Variants in LMX1A observed in about 807,000 individuals in gnomAD.
The protein encoded by LMX1A is LIM homeobox transcription factor 1-alpha.
Under a neutral mutation model 49.1 loss-of-function variants are expected in LMX1A, and 15 were observed. That is an observed-to-expected ratio of 0.31 (90% confidence interval 0.20 to 0.47). The LOEUF is 0.47. LMX1A is among the 20% of genes least tolerant of loss of function. The pLI is 1.00. For missense variants in LMX1A, 372 were observed against 475.8 expected (o/e 0.78, Z 2.03); for synonymous variants, 167 against 185.7 (o/e 0.90, Z 0.82).
At chr1:165,313,255 G>A (rs770835957) in intron 3 of LMX1A, among the ~76,000 whole-genome samples, 20 of 152,154 alleles carry the variant, frequency 1.3e-4, no homozygotes, top group Admixed American at 3.3e-4. Flanking sequence ...GGGAGCAGCA[G>A]ATGATTAAAC....
intron 3 of LMX1A, among the ~76,000 whole-genome samples, chr1:165,340,039 T>C (rs761151191): frequency 6.6e-6 from 1 of 152,188 alleles, no homozygotes; most frequent in Non-Finnish European, 1.5e-5. Flanking sequence ...TTTCTTCAAC[T>C]TCTTTTTACT....
intron 3 of LMX1A, among the ~76,000 whole-genome samples, chr1:165,302,110 C>G (rs974713256): frequency 3.9e-5 from 6 of 151,926 alleles, no homozygotes; most frequent in Admixed American, 6.6e-5. Context: ...TCCCAAACCC[C>G]CTTTTCTGCT....
At chr1:165,339,450 T>G (rs555613307) in intron 3 of LMX1A, among the ~76,000 whole-genome samples, 1 of 152,308 alleles carries the variant, frequency 6.6e-6, no homozygotes, top group South Asian at 2.1e-4. Flanking sequence ...TCTGACAACA[T>G]GCAATAGAGT....
chr1:165,298,785 A>G (rs1010158009), intron 3 of LMX1A, among the ~76,000 whole-genome samples: 2 of 152,264 alleles, frequency 1.3e-5, no homozygotes, highest in Admixed American at 1.3e-4. Flanking sequence ...ATTACCCTAC[A>G]GAACACTGGA....
intron 3 of LMX1A, among the ~76,000 whole-genome samples, chr1:165,351,793 C>A (rs12407278): frequency 0.089 from 13,563 of 152,296 alleles, 785 homozygotes; most frequent in South Asian, 0.14. Flanking sequence ...CCCCAGACAA[C>A]AATAATAAAT....
In LMX1A at chr1:165,204,018, G is replaced by A. The variant is rs1043647147; in HGVS notation, c.1011C>T (p.Asp337=). Residue 337 remains aspartate (D), a synonymous_variant, in exon 9 of 9, where the codon GAC becomes GAT. Coordinates refer to ENST00000342310, the MANE Select transcript of LMX1A (RefSeq NM_177398.4). ...HPYGAEPLFH[D]LDSDDTSLSN... ...TGAGGGAGGTGTCGTCGCTATCCAG[G>A]TCATGGAAAAGGGGCTCGGCACCTG... The A allele has an allele frequency of 1.2e-6, 2 of 1,614,112 alleles. No homozygotes were observed. Among genetic ancestry groups the A allele is most frequent in the African/African-American group, 2.7e-5 (2 of 75,040 alleles).
At chr1:165,337,941 T>A (rs76619519) in intron 3 of LMX1A, among the ~76,000 whole-genome samples, 1 of 130,474 alleles carries the variant, frequency 7.7e-6, no homozygotes, top group African/African-American at 3.1e-5. Flanking sequence ...AAAGTACATG[T>A]TCCATGTTTA....
At chr1:165,230,629 T>G (rs1652206594) in intron 4 of LMX1A, among the ~76,000 whole-genome samples, 1 of 152,240 alleles carries the variant, frequency 6.6e-6, no homozygotes, top group Admixed American at 6.5e-5. Flanking sequence ...AGCTGCCCCT[T>G]GCTGCAACAT....
chr1:165,298,369 G>A (rs1326331663), intron 3 of LMX1A, among the ~76,000 whole-genome samples: 1 of 152,222 alleles, frequency 6.6e-6, no homozygotes, highest in Non-Finnish European at 1.5e-5. Flanking sequence ...GTACAGCCTG[G>A]GGCTGAGGCA....
At chr1:165,309,755 G>A (rs1020876728) in intron 3 of LMX1A, among the ~76,000 whole-genome samples, 4 of 152,216 alleles carry the variant, frequency 2.6e-5, no homozygotes, top group Non-Finnish European at 5.9e-5. Context: ...TGGAACTGAA[G>A]GCTTGTTGGT....
intron 3 of LMX1A, among the ~76,000 whole-genome samples, chr1:165,283,068 G>A (rs1046932934): frequency 1.3e-5 from 2 of 152,164 alleles, no homozygotes; most frequent in African/African-American, 2.4e-5. Flanking sequence ...CTCAACTATA[G>A]TCATATGATG....
intron 5 of LMX1A, 127 bp from the exon 6 acceptor site, chr1:165,210,903 G>A (rs1009506545): frequency 9.9e-6 from 5 of 506,504 alleles, no homozygotes; most frequent in Non-Finnish European, 1.7e-5. Flanking sequence ...AGTTTTTAAT[G>A]TTGAGCATAC....
intron 3 of LMX1A, among the ~76,000 whole-genome samples, chr1:165,339,793 G>GC (rs2101761223): frequency 6.6e-6 from 1 of 152,230 alleles, no homozygotes; most frequent in East Asian, 1.9e-4. Flanking sequence ...CCCCAGATGT[G>GC]CCCCTCACCC....
In LMX1A at chr1:165,214,099, G is replaced by C. The variant is rs747613526; in HGVS notation, c.497-286C>G. 1.6e-4 allele frequency among the ~76,000 whole-genome samples: 24 copies of C among 152,192 alleles called. No homozygotes were observed. In the South Asian group the frequency reaches 3.7e-3, roughly 24 times the overall value. On this transcript the variant is annotated intron_variant, in intron 4 of 8. Transcript: ENST00000342310. Reference sequence around the variant, plus strand: ...TTGCGTGGCCTTGGGCAATGATATGGTTTAGTTCTGAGTCCCCAGAATTGT... The same window carrying C: ...TTGCGTGGCCTTGGGCAATGATATGCTTTAGTTCTGAGTCCCCAGAATTGT...
intron 3 of LMX1A, among the ~76,000 whole-genome samples, chr1:165,283,484 T>A (rs1266428707): frequency 6.6e-6 from 1 of 152,172 alleles, no homozygotes; most frequent in Non-Finnish European, 1.5e-5. Context: ...CCTCTTCTTT[T>A]TCCTCCTCTT....
At chr1:165,215,793 C>T (rs73027278) in intron 4 of LMX1A, among the ~76,000 whole-genome samples, 2,807 of 152,228 alleles carry the variant, frequency 0.018, 69 homozygotes, top group African/African-American at 0.058. Context: ...CCTAGGTTTC[C>T]ATCCCAGTTC....
chr1:165,299,754 A>G (rs1417430427), intron 3 of LMX1A, among the ~76,000 whole-genome samples: 3 of 140,328 alleles, frequency 2.1e-5, no homozygotes, highest in Non-Finnish European at 4.6e-5. Flanking sequence ...GACAACAAGG[A>G]AACCAAGAAA....
intron 3 of LMX1A, among the ~76,000 whole-genome samples, chr1:165,337,561 G>A (rs1571230477): frequency 1.3e-5 from 2 of 152,164 alleles, no homozygotes; most frequent in South Asian, 2.1e-4. Flanking sequence ...TGGAGACTTG[G>A]TAAGACAGAT....
chr1:165,353,378 C>G (rs893118960), intron 2 of LMX1A, 116 bp from the exon 3 acceptor site: 1 of 775,254 alleles, frequency 1.3e-6, no homozygotes, highest in African/African-American at 1.7e-5. Flanking sequence ...GCGCCCCCCA[C>G]CCCAGGGAAC....
Sources: gnomAD v4.1 joint callset for allele counts (sites outside exome capture counted in the v4.1 genomes callset) on GRCh38, gnomAD v4.1.1 for gene constraint, MANE v1.5 for transcripts, NCBI Gene and HGNC (gene_info 2026-07-23, HGNC 2026-07-21) for gene names.